The following DMD variants were observed in gnomAD, a reference collection of about 807,000 sequenced individuals.
The protein encoded by DMD is mutant dystrophin.
In DMD, 63 loss-of-function variants were observed where a neutral mutation model predicts 330.1. The observed-to-expected ratio is 0.19, with a 90% CI of 0.16 to 0.24. The LOEUF is 0.24. Ranked by LOEUF, DMD falls within the 10% of genes least tolerant of loss-of-function variation. The pLI is 1.00. For missense variants in DMD, 3,344 were observed against 2,684.1 expected (o/e 1.25, Z -5.43); for synonymous variants, 1,223 against 959.8 (o/e 1.27, Z -5.07).
At chrX:32,628,003 T>C (rs1288661961) in intron 11 of DMD, among the ~76,000 whole-genome samples, 4 of 110,214 alleles carry the variant, frequency 3.6e-5, no homozygotes, top group Non-Finnish European at 7.6e-5. Flanking sequence ...GTTAATAGGG[T>C]ATCCATCACC....
intron 44 of DMD, among the ~76,000 whole-genome samples, chrX:32,160,858 T>A (rs1603627405): frequency 1.8e-5 from 2 of 111,777 alleles, no homozygotes; most frequent in East Asian, 5.7e-4. Context: ...GCTTGCCAAA[T>A]CTAAACTTTA....
At chrX:32,833,665 G>A (rs1225839812) in intron 4 of DMD, among the ~76,000 whole-genome samples, 2 of 92,896 alleles carry the variant, frequency 2.2e-5, no homozygotes, top group Admixed American at 1.3e-4. Context: ...AACTTTTTAA[G>A]CTCAAGTCAC....
At chrX:32,167,118 C>G (rs924026977) in intron 44 of DMD, among the ~76,000 whole-genome samples, 6 of 111,770 alleles carry the variant, frequency 5.4e-5, no homozygotes, top group Non-Finnish European at 1.1e-4. Context: ...CAGTCATACT[C>G]TATTCCCTGG....
chrX:31,261,845 C>T (rs1238676862), intron 62 of DMD: 3 of 112,221 alleles, frequency 2.7e-5, no homozygotes, highest in Non-Finnish European at 3.8e-5. Context: ...ATCACCATAG[C>T]GTCATATTTC....
At position 32,435,215 on chromosome X, in the gene DMD, T is replaced by TATATAG. The variant is rs1279608985; in HGVS notation, c.4071+3025_4071+3026insCTATAT. 7.8e-5 allele frequency among the ~76,000 whole-genome samples: 8 copies of TATATAG among 102,247 alleles called. 1 individual carries two copies. Among genetic ancestry groups the TATATAG allele is most frequent in the Admixed American group, 6.5e-4 (6 of 9,196 alleles). 88.8% of individuals were successfully genotyped at this position (102,247 alleles called of 115,157 possible). A position where few individuals can be genotyped will look rare whatever the true frequency, so the allele number is the denominator to read the frequency against. On this transcript the variant is annotated intron_variant, in intron 29 of 78. Coordinates refer to ENST00000357033, the MANE Select transcript of DMD (RefSeq NM_004006.3). The stretch of plus-strand genomic sequence containing the variant: ...ACCAATCACTGCCCTCAGTGGGATA[T>TATATAG]ATATATATGTATATTTACATATTTT...
chrX:32,913,359 A>G (rs1295726076), intron 2 of DMD, among the ~76,000 whole-genome samples: 3 of 112,518 alleles, frequency 2.7e-5, no homozygotes, highest in African/African-American at 9.7e-5. Context: ...TCCTAAGTAC[A>G]TAACATCAAA....
intron 2 of DMD, among the ~76,000 whole-genome samples, chrX:32,876,607 T>G (rs922635641): frequency 1.8e-5 from 2 of 112,325 alleles, no homozygotes; most frequent in South Asian, 7.4e-4. Context: ...TTCATGTCCC[T>G]TAATGACATA....
At chrX:33,203,601 G>C (rs773919296) in intron 1 of DMD, among the ~76,000 whole-genome samples, 11 of 110,139 alleles carry the variant, frequency 1.0e-4, no homozygotes, top group Admixed American at 8.8e-4. Context: ...GAAAGGAACA[G>C]ACCTCTTTAT....
chrX:32,598,161 C>G (rs1042033522), intron 12 of DMD, among the ~76,000 whole-genome samples: 1 of 112,291 alleles, frequency 8.9e-6, no homozygotes, highest in Non-Finnish European at 1.9e-5. Context: ...TACTTCGTCT[C>G]TCTAGATTTT....
rs185010923 is a variant in DMD at position 33,147,024 on chromosome X, G to A, written c.31+64258C>T. 2.6e-3 allele frequency among the ~76,000 whole-genome samples: 290 copies of A among 110,105 alleles called. 1 individual carries two copies. Among genetic ancestry groups the A allele is most frequent in the Non-Finnish European group, 3.8e-3 (199 of 52,721 alleles). On this transcript the variant is annotated intron_variant, in intron 1 of 78. Coordinates refer to ENST00000357033, the MANE Select transcript of DMD (RefSeq NM_004006.3). ...TTTTTAGTAGAGACGGGGTTTCACC[G>A]TGTCAGCCAGGATGGTCTCGACATC...
chrX:32,774,404 A>C, intron 7 of DMD, among the ~76,000 whole-genome samples: 1 of 111,873 alleles, frequency 8.9e-6, no homozygotes, highest in Middle Eastern at 4.6e-3. Context: ...AGGTAGTTCT[A>C]TCACTTAGTA....
intron 1 of DMD, among the ~76,000 whole-genome samples, chrX:33,240,365 T>C (rs1008024140): frequency 3.6e-5 from 4 of 111,991 alleles, no homozygotes; most frequent in African/African-American, 1.3e-4. Context: ...TCCTCCAGGT[T>C]CATTCATGTT....
At chrX:32,542,323 C>T (rs2048560498) in intron 17 of DMD, among the ~76,000 whole-genome samples, 2 of 111,495 alleles carry the variant, frequency 1.8e-5, no homozygotes, top group African/African-American at 6.5e-5. Context: ...ATTCCAGCTA[C>T]TCGGGAGGTT....
At chrX:33,081,000 ACACAC>A (rs200981196) in intron 1 of DMD, among the ~76,000 whole-genome samples, 1,178 of 106,266 alleles carry the variant, frequency 0.011, 6 homozygotes, top group South Asian at 0.031. Flanking sequence ...ACACACACAC[ACACAC>A]ACAAAAACAC....
At chrX:31,698,892 C>T (rs749007180) in intron 52 of DMD, among the ~76,000 whole-genome samples, 4 of 111,519 alleles carry the variant, frequency 3.6e-5, no homozygotes, top group South Asian at 7.6e-4. Context: ...GCAGAAACAG[C>T]CAAGCATTTT....
At chrX:33,251,653 T>C (rs990207488) in intron 1 of DMD, among the ~76,000 whole-genome samples, 3 of 112,129 alleles carry the variant, frequency 2.7e-5, no homozygotes, top group Admixed American at 9.5e-5. Context: ...CAGTGTTATA[T>C]GCAGTAGATA....
At chrX:32,812,263 A>G in intron 6 of DMD, among the ~76,000 whole-genome samples, 1 of 111,912 alleles carries the variant, frequency 8.9e-6, no homozygotes, top group Admixed American at 9.5e-5. Flanking sequence ...TGCTATGCAA[A>G]AACAAAAAAA....
At chrX:33,327,147 T>G (rs555011877) in intron 1 of DMD, among the ~76,000 whole-genome samples, 2 of 111,840 alleles carry the variant, frequency 1.8e-5, no homozygotes, top group South Asian at 3.7e-4. Flanking sequence ...ACTTACTCCT[T>G]AAGAGGAAAG....
chrX:32,064,185 C>A (rs2096246600), intron 44 of DMD, among the ~76,000 whole-genome samples: 1 of 110,921 alleles, frequency 9.0e-6, no homozygotes, highest in Admixed American at 9.6e-5. Flanking sequence ...TCTATAAAAC[C>A]ACTAATGTTA....
Sources: gnomAD v4.1 joint callset for allele counts (sites outside exome capture counted in the v4.1 genomes callset) on GRCh38, gnomAD v4.1.1 for gene constraint, MANE v1.5 for transcripts, NCBI Gene and HGNC (gene_info 2026-07-23, HGNC 2026-07-21) for gene names.